DNAH17: variants seen among roughly 807,000 people sequenced by gnomAD.
The protein encoded by DNAH17 is dynein axonemal heavy chain 17.
Under a neutral mutation model 485.6 loss-of-function variants are expected in DNAH17, and 376 were observed. That is an observed-to-expected ratio of 0.77 (90% CI 0.71 to 0.84). The LOEUF (loss-of-function observed/expected upper bound fraction) is 0.84, where lower values mean the gene tolerates loss of function less well. Ranked by LOEUF, DNAH17 falls within the 40% of genes least tolerant of loss-of-function variation. The pLI is 0.00. For synonymous variants in DNAH17, 3,031 were observed against 2,405.9 expected (o/e 1.26, Z -7.60); for missense variants, 6,370 against 5,839.3 (o/e 1.09, Z -2.96).
At chr17:78,498,917 C>T in intron 37 of DNAH17, 91 bp downstream of exon 37, 1 of 997,130 alleles carries the variant, frequency 1.0e-6, no homozygotes, top group Non-Finnish European at 1.5e-6. Flanking sequence ...TGCAGAGAGG[C>T]AAGGAGGGTC....
At chr17:78,484,739 A>ACCCCCCCGGCCCG in intron 48 of DNAH17, 129 bp downstream of exon 48, 1 of 347,798 alleles carries the variant, frequency 2.9e-6, no homozygotes, top group Non-Finnish European at 4.6e-6. Context: ...ACGTTGCAGC[A>ACCCCCCCGGCCCG]CCCCCCCCAC....
rs752901479 is a variant in DNAH17 at position 78,425,339 on chromosome 17, T to C, written c.13141+7A>G. The C allele has an allele frequency of 2.5e-6, 4 of 1,612,890 alleles. No homozygotes were observed. The highest frequency in any genetic ancestry group is 3.4e-6 in the Non-Finnish European group (4 of 1,179,208). On this transcript the variant is annotated splice_region_variant and intron_variant, in intron 80 of 80. Transcript: ENST00000389840. ...AGCTTCTGCAGACAGACAAGAGCCC[T>C]CCTTACCTTCCATGAAGAGTCCGTA... is the stretch of plus-strand genomic sequence containing the variant.
Position 78,561,905 on chromosome 17 carries a change from G to A in DNAH17, c.1645C>T (p.Leu549=). ...TCTAGCTCAGCGTCAAACAGCTCCA[G>A]CATGACTGAATACCTGGGCGCCACC... ...AEVAPRYSVM[L]ELFDAELDNA... The change falls in exon 12 of 81, where the codon CTG becomes TTG. Residue 549 remains leucine (L), a synonymous_variant. Transcript: ENST00000389840. The A allele has an allele frequency of 6.2e-7, 1 of 1,613,844 alleles. No homozygotes were observed. The highest frequency in any genetic ancestry group is 1.1e-5 in the South Asian group (1 of 91,080).
At chr17:78,484,242 G>T (rs1340520452) in intron 48 of DNAH17, among the ~76,000 whole-genome samples, 1 of 151,862 alleles carries the variant, frequency 6.6e-6, no homozygotes, top group Non-Finnish European at 1.5e-5. Context: ...TGGGATTCTG[G>T]CTGCAGCTGC....
At position 78,514,874 on chromosome 17, in the gene DNAH17, T is replaced by C. The variant is rs2090739000; in HGVS notation, c.4013A>G (p.Asn1338Ser). 1 of 1,614,056 alleles carries C rather than the reference T, an allele frequency of 6.2e-7. No homozygotes were observed. ...KTWDAFVGLD[N>S]TVKNVITSLR... is the part of the protein sequence containing the mutation. The stretch of plus-strand genomic sequence containing the variant: ...GGACGTGATCACGTTTTTCACGGTG[T>C]TGTCGAGCCCCACGAAGGCATCCCA... The change falls in exon 26 of 81, where the codon AAC becomes AGC. Residue 1338 changes from asparagine to serine, a missense_variant. Transcript: ENST00000389840.
chr17:78,505,510 G>A (rs1212899027), intron 30 of DNAH17, 65 bp from the exon 31 acceptor site: 21 of 1,604,730 alleles, frequency 1.3e-5, no homozygotes, highest in Non-Finnish European at 1.6e-5. Flanking sequence ...CGTGGCTTGG[G>A]CTTTCCGTGG....
At chr17:78,540,439 A>G (rs1229953406) in intron 17 of DNAH17, among the ~76,000 whole-genome samples, 2 of 14,782 alleles carry the variant, frequency 1.4e-4, no homozygotes, top group Non-Finnish European at 2.5e-4. Flanking sequence ...GGATGGATGG[A>G]TGGATGGATG....
At chr17:78,468,079 CTG>C (rs71160301) in intron 55 of DNAH17, among the ~76,000 whole-genome samples, 118,560 of 148,694 alleles carry the variant, frequency 0.8, 47,591 homozygotes, top group East Asian at 0.98. Context: ...CTTAAACTAG[CTG>C]TGTGTGGGGA....
At position 78,566,999 on chromosome 17, in the gene DNAH17, C is replaced by T. The variant is rs763109316; in HGVS notation, c.1452G>A (p.Ser484=). Reference sequence around the variant, plus strand: ...CATCCAACCCTGCCCGAGGACCTACCGAGTCTCCAGGGTCCAAGGGATCAT... The same window carrying T: ...CATCCAACCCTGCCCGAGGACCTACTGAGTCTCCAGGGTCCAAGGGATCAT... The part of the protein sequence containing the change: ...CKYDPLDPGD[S]NFDRDYADFE... The change falls in exon 10 of 81, where the codon TCG becomes TCA. Residue 484 remains serine (S), a splice_region_variant and synonymous_variant. Coordinates refer to ENST00000389840, the MANE Select transcript of DNAH17 (RefSeq NM_173628.4). 87 of 1,608,876 alleles carry T rather than the reference C, an allele frequency of 5.4e-5. No homozygotes were observed. The highest frequency in any genetic ancestry group is 8.5e-5 in the Admixed American group (5 of 59,098).
At chr17:78,514,617 A>G (rs946541425) in intron 26 of DNAH17, among the ~76,000 whole-genome samples, 157 bp downstream of exon 26, 4 of 150,404 alleles carry the variant, frequency 2.7e-5, no homozygotes, top group African/African-American at 1.0e-4. Flanking sequence ...GCCCAGTGTG[A>G]CTGCGCAGGT....
At chr17:78,452,044 C>G (rs752956490) in intron 65 of DNAH17, among the ~76,000 whole-genome samples, 1 of 151,896 alleles carries the variant, frequency 6.6e-6, no homozygotes, top group Non-Finnish European at 1.5e-5. Context: ...AACCCTGGGT[C>G]TGCTCATCCA....
intron 13 of DNAH17, among the ~76,000 whole-genome samples, chr17:78,560,305 A>G (rs985392983): frequency 2.0e-5 from 3 of 152,212 alleles, no homozygotes; most frequent in Non-Finnish European, 4.4e-5. Context: ...TGCCACGTGC[A>G]GATTGGGCAG....
intron 65 of DNAH17, among the ~76,000 whole-genome samples, chr17:78,452,852 G>C (rs1232423927): frequency 1.3e-5 from 2 of 152,228 alleles, no homozygotes; most frequent in African/African-American, 4.8e-5. Flanking sequence ...ACAGAGAGCA[G>C]AGTAGTGGAT....
chr17:78,480,625 G>A, intron 49 of DNAH17, 59 bp downstream of exon 49: 2 of 1,441,174 alleles, frequency 1.4e-6, no homozygotes, highest in African/African-American at 1.4e-5. Context: ...CCTCTCATTT[G>A]CCAGAAGCAA....
chr17:78,523,261 T>C (rs886210976), intron 25 of DNAH17, among the ~76,000 whole-genome samples: 2 of 151,964 alleles, frequency 1.3e-5, no homozygotes, highest in South Asian at 4.1e-4. Flanking sequence ...GTAGCTGAGA[T>C]TACAGGCACC....
intron 26 of DNAH17, among the ~76,000 whole-genome samples, chr17:78,510,830 G>A (rs1453780699): frequency 6.6e-6 from 1 of 151,702 alleles, no homozygotes; most frequent in African/African-American, 2.4e-5. Flanking sequence ...AGATACTAAG[G>A]ATCTTGAGGT....
At chr17:78,570,856 C>CAAAAAAAAAAAAAAAAAAAAAAAAAAAAA (rs60897530) in intron 6 of DNAH17, 92 bp downstream of exon 6, 10 of 292,126 alleles carry the variant, frequency 3.4e-5, no homozygotes, top group Admixed American at 2.4e-4. Context: ...GACTCCCTCT[C>CAAAAAAAAAAAAAAAAAAAAAAAAAAAAA]AAAAAAAAAA....
chr17:78,427,584 A>C (rs1041909617), intron 77 of DNAH17, among the ~76,000 whole-genome samples: 1 of 152,192 alleles, frequency 6.6e-6, no homozygotes, highest in Non-Finnish European at 1.5e-5. Context: ...AAAGTCCTGG[A>C]CCTAATAGGA....
At chr17:78,486,815 G>T (rs2089630976) in intron 44 of DNAH17, among the ~76,000 whole-genome samples, 1 of 152,226 alleles carries the variant, frequency 6.6e-6, no homozygotes, top group East Asian at 1.9e-4. Context: ...CATACCAAGG[G>T]CTGGTGGATG....
Sources: gnomAD v4.1 joint callset for allele counts (sites outside exome capture counted in the v4.1 genomes callset) on GRCh38, gnomAD v4.1.1 for gene constraint, MANE v1.5 for transcripts, NCBI Gene and HGNC (gene_info 2026-07-23, HGNC 2026-07-21) for gene names.